GALNT13: variants seen among roughly 807,000 people sequenced by gnomAD.
The protein encoded by GALNT13 is UDP-GalNAc:polypeptide N-acetylgalactosaminyltransferase 13.
A neutral mutation model predicts 64.2 loss-of-function variants in GALNT13; 28 were observed. The observed-to-expected ratio is 0.44, with a 90% CI of 0.32 to 0.60. The LOEUF is 0.60. GALNT13 is among the 20% of genes least tolerant of loss of function. The pLI, the probability that GALNT13 is intolerant of heterozygous loss-of-function variation, is 0.05. For missense variants in GALNT13, 577 were observed against 669.8 expected, an observed-to-expected ratio of 0.86 and a Z score of 1.53; for synonymous variants, 214 against 224.6, an observed-to-expected ratio of 0.95 and a Z score of 0.42.
intron 11 of GALNT13, among the ~76,000 whole-genome samples, chr2:154,427,391 T>C (rs1315202828): frequency 1.3e-5 from 2 of 152,136 alleles, no homozygotes; most frequent in Non-Finnish European, 1.5e-5. Flanking sequence ...GAGTGCTAAA[T>C]GAAAAAACTG....
chr2:154,060,258 G>A (rs1426761751), intron 3 of GALNT13, among the ~76,000 whole-genome samples: 2 of 152,206 alleles, frequency 1.3e-5, no homozygotes, highest in Admixed American at 1.3e-4. Context: ...TGTTGTAATA[G>A]CTTGAGCTGA....
At chr2:153,353,033 C>A in the GALNT13 span, among the ~76,000 whole-genome samples, 1 of 152,066 alleles carries the variant, frequency 6.6e-6, no homozygotes, top group Non-Finnish European at 1.5e-5. Flanking sequence ...TTCTATAGAT[C>A]AACTTAGGAA....
At chr2:153,325,895 C>T in the GALNT13 span, among the ~76,000 whole-genome samples, 1 of 152,060 alleles carries the variant, frequency 6.6e-6, no homozygotes, top group Non-Finnish European at 1.5e-5. Flanking sequence ...ATTGCATTTG[C>T]TGAGGAGTGT....
the GALNT13 span, among the ~76,000 whole-genome samples, chr2:153,095,073 A>G: frequency 1.3e-5 from 2 of 152,178 alleles, no homozygotes; most frequent in Non-Finnish European, 2.9e-5. Context: ...CTGCACAGCA[A>G]AAGAAACTAC....
the GALNT13 span, among the ~76,000 whole-genome samples, chr2:153,821,969 A>G: frequency 6.6e-6 from 1 of 152,160 alleles, no homozygotes; most frequent in East Asian, 1.9e-4. Flanking sequence ...GTTCACACAA[A>G]CTAGAAAATC....
the GALNT13 span, among the ~76,000 whole-genome samples, chr2:153,634,801 G>A: frequency 5.9e-4 from 90 of 151,634 alleles, no homozygotes; most frequent in Non-Finnish European, 1.0e-4. Context: ...TGCCTGCCTC[G>A]GCCTCCCAAA....
At chr2:153,407,967 A>C in the GALNT13 span, among the ~76,000 whole-genome samples, 1 of 152,156 alleles carries the variant, frequency 6.6e-6, no homozygotes, top group Non-Finnish European at 1.5e-5. Flanking sequence ...ATAGCATCGA[A>C]ATGCGTGATT....
rs1280247599 is a variant in GALNT13, at chr2:154,446,575, CTCT to C, written c.1531-3830_1531-3828del. 12 of 1,541,872 alleles carry C rather than the reference CTCT, an allele frequency of 7.8e-6. No individual in the cohort carries two copies. The East Asian group carries it at 2.7e-4, about 35-fold the overall frequency. On this transcript the variant is annotated intron_variant, in intron 12 of 12. Transcript: ENST00000392825. The stretch of plus-strand genomic sequence containing the variant: ...ATTTTCTTTGTCAAACAGACCCACA[CTCT>C]TCTTCATATAATCACCCAGTCTTGT...
chr2:154,180,175 C>G (rs1471315522), intron 4 of GALNT13, among the ~76,000 whole-genome samples: 1 of 152,070 alleles, frequency 6.6e-6, no homozygotes, highest in Non-Finnish European at 1.5e-5. Flanking sequence ...ACATCTGTAG[C>G]CTTCTCTAAT....
At chr2:153,380,467 C>G in the GALNT13 span, among the ~76,000 whole-genome samples, 2 of 151,782 alleles carry the variant, frequency 1.3e-5, no homozygotes, top group Admixed American at 1.3e-4. Flanking sequence ...GCAAGATCCT[C>G]TCTCTAAATA....
chr2:153,485,766 G>C, the GALNT13 span, among the ~76,000 whole-genome samples: 1 of 152,042 alleles, frequency 6.6e-6, no homozygotes, highest in Non-Finnish European at 1.5e-5. Flanking sequence ...CGGGCATGGT[G>C]GTGCATGCCT....
At chr2:153,808,713 C>T in the GALNT13 span, among the ~76,000 whole-genome samples, 3 of 152,190 alleles carry the variant, frequency 2.0e-5, no homozygotes, top group African/African-American at 7.2e-5. Context: ...CACATTGAAA[C>T]ATCCAATGCT....
chr2:154,236,142 A>T, intron 4 of GALNT13: 6 of 1,125,590 alleles, frequency 5.3e-6, no homozygotes, highest in Non-Finnish European at 5.6e-6. Context: ...TGCTTTCGTG[A>T]CAGTAAATAT....
At chr2:153,896,429 AAT>A (rs1203294062) in intron 1 of GALNT13, among the ~76,000 whole-genome samples, 1 of 151,570 alleles carries the variant, frequency 6.6e-6, no homozygotes, top group Non-Finnish European at 1.5e-5. Flanking sequence ...TGAATATATA[AAT>A]ATTAAATATA....
chr2:153,341,088 A>C, the GALNT13 span, among the ~76,000 whole-genome samples: 23 of 152,288 alleles, frequency 1.5e-4, 1 homozygote, highest in South Asian at 2.3e-3. Flanking sequence ...AAGGAAGAAA[A>C]ATTTTATTGA....
chr2:153,363,847 C>G, the GALNT13 span, among the ~76,000 whole-genome samples: 2 of 152,154 alleles, frequency 1.3e-5, no homozygotes, highest in Non-Finnish European at 2.9e-5. Flanking sequence ...AAAACTATTC[C>G]AAACAACTGA....
the GALNT13 span, among the ~76,000 whole-genome samples, chr2:153,821,606 A>G: frequency 6.6e-6 from 1 of 152,186 alleles, no homozygotes; most frequent in African/African-American, 2.4e-5. Flanking sequence ...GAGGAAAATT[A>G]TAAATGCTAA....
chr2:153,532,742 A>T, the GALNT13 span, among the ~76,000 whole-genome samples: 1 of 152,198 alleles, frequency 6.6e-6, no homozygotes, highest in Non-Finnish European at 1.5e-5. Flanking sequence ...TTGTGCTTAG[A>T]AATTTCTTCC....
chr2:153,447,930 T>C, the GALNT13 span, among the ~76,000 whole-genome samples: 1 of 152,188 alleles, frequency 6.6e-6, no homozygotes, highest in Admixed American at 6.5e-5. Context: ...TAAAGGGCCA[T>C]TGTATTTCTC....
Sources: gnomAD v4.1 joint callset for allele counts (sites outside exome capture counted in the v4.1 genomes callset) on GRCh38, gnomAD v4.1.1 for gene constraint, MANE v1.5 for transcripts, NCBI Gene and HGNC (gene_info 2026-07-23, HGNC 2026-07-21) for gene names.